The following SYK variants were observed in gnomAD, a reference collection of about 807,000 sequenced individuals.
SYK encodes the protein tyrosine-protein kinase SYK.
SYK carries 16 observed loss-of-function variants against 77.8 expected under a neutral mutation model. The observed-to-expected ratio is 0.21, with a 90% CI of 0.14 to 0.31. The LOEUF is 0.31. SYK is among the 10% of genes least tolerant of loss of function. The pLI, the probability that SYK is intolerant of heterozygous loss-of-function variation, is 1.00. For missense variants in SYK, 529 were observed against 814.4 expected (o/e 0.65, Z 4.26); for synonymous variants, 312 against 308.7 (o/e 1.01, Z -0.11).
At chr9:90,853,170 A>G (rs1826883864) in intron 3 of SYK, among the ~76,000 whole-genome samples, 2 of 149,600 alleles carry the variant, frequency 1.3e-5, no homozygotes, top group East Asian at 2.0e-4. Context: ...GGTGGCCACT[A>G]CTTGGATAGG....
chr9:90,874,327 G>A, intron 8 of SYK, 36 bp downstream of exon 8: 1 of 1,599,430 alleles, frequency 6.3e-7, no homozygotes, highest in Non-Finnish European at 8.6e-7. Flanking sequence ...CATTCACAGA[G>A]CAAAGTGCGT....
At chr9:90,817,569 C>T (rs1308170983) in intron 1 of SYK, among the ~76,000 whole-genome samples, 1 of 151,768 alleles carries the variant, frequency 6.6e-6, no homozygotes, top group Non-Finnish European at 1.5e-5. Context: ...GTTTTTTGGC[C>T]CCTTCCTCCC....
intron 3 of SYK, among the ~76,000 whole-genome samples, 192 bp downstream of exon 3, chr9:90,845,786 T>C (rs1330162315): frequency 6.6e-6 from 1 of 152,232 alleles, no homozygotes; most frequent in East Asian, 1.9e-4. Flanking sequence ...CAGTGTTTAT[T>C]TTGCCCAGTC....
intron 9 of SYK, among the ~76,000 whole-genome samples, chr9:90,876,349 T>G (rs1234488868): frequency 1.3e-5 from 2 of 149,170 alleles, no homozygotes; most frequent in East Asian, 4.0e-4. Flanking sequence ...ATCTGTCCCT[T>G]CGATTTGTTT....
chr9:90,850,655 C>G (rs1187107684), intron 3 of SYK, among the ~76,000 whole-genome samples: 3 of 151,944 alleles, frequency 2.0e-5, no homozygotes, highest in Non-Finnish European at 4.4e-5. Flanking sequence ...AGCGATTACT[C>G]TTCACACTTT....
chr9:90,884,986 A>G (rs1828506555), intron 11 of SYK, among the ~76,000 whole-genome samples: 1 of 142,982 alleles, frequency 7.0e-6, no homozygotes, highest in African/African-American at 2.6e-5. Flanking sequence ...TATACCCAAC[A>G]TATATATACC....
chr9:90,877,880 C>T, intron 10 of SYK, 100 bp downstream of exon 10: 3 of 1,251,338 alleles, frequency 2.4e-6, no homozygotes, highest in East Asian at 2.4e-5. Flanking sequence ...GAAGCCTTCC[C>T]ACCCTCCTGT....
chr9:90,828,997 A>C (rs2013826), intron 1 of SYK, among the ~76,000 whole-genome samples: 44,446 of 152,062 alleles, frequency 0.29, 6,774 homozygotes, highest in East Asian at 0.48. Context: ...CTTAAAAATC[A>C]CCTGGGAAGC....
rs368660037 is a variant in SYK, at chr9:90,866,146, G to A, written c.847-985G>A. ...GATCTCCTAACCTCGTGATCTGCCC[G>A]CCTCGGCCTCCCAAAGTGCTGGGAT... is the stretch of plus-strand genomic sequence containing the variant. On this transcript the variant is annotated intron_variant, in intron 6 of 13. Coordinates refer to ENST00000375754, the MANE Select transcript of SYK (RefSeq NM_003177.7). Among the ~76,000 whole-genome samples the A allele has an allele frequency of 2.0e-3, 303 of 152,202 alleles. 1 individual carries two copies. Among genetic ancestry groups the A allele is most frequent in the African/African-American group, 6.9e-3 (286 of 41,540 alleles).
intron 1 of SYK, among the ~76,000 whole-genome samples, chr9:90,811,321 G>T (rs1825062575): frequency 6.6e-6 from 1 of 152,096 alleles, no homozygotes; most frequent in Admixed American, 6.5e-5. Flanking sequence ...GACACAGATG[G>T]GTGCTGACAG....
rs1827867698 is a variant in SYK at position 90,874,838 on chromosome 9, C to G, written c.1170C>G (p.Tyr390Ter). ...GNFGTVKKGY[Y>*]QMKKVVKTVA... is the part of the protein sequence containing the mutation. ...TTGGAACTGTGAAAAAGGGCTACTA[C>G]CAAATGAAAAAGTAAGTTGCTATGT... The change falls in exon 9 of 14, where the codon TAC becomes TAG. Residue 390 changes from tyrosine (Y) to a stop codon, truncating the protein, a stop_gained. Coordinates refer to ENST00000375754, the MANE Select transcript of SYK (RefSeq NM_003177.7). LOFTEE classifies it high-confidence loss of function. 5 of 1,613,838 alleles carry G rather than the reference C, an allele frequency of 3.1e-6. No homozygotes were observed. The highest frequency in any genetic ancestry group is 4.2e-6 in the Non-Finnish European group (5 of 1,179,908).
chr9:90,836,219 G>A (rs924621608), intron 1 of SYK, among the ~76,000 whole-genome samples: 3 of 151,634 alleles, frequency 2.0e-5, no homozygotes, highest in South Asian at 4.1e-4. Context: ...CTGGGGAGGC[G>A]GAGCTTGCAG....
chr9:90,852,643 C>T (rs776391412), intron 3 of SYK, among the ~76,000 whole-genome samples: 5 of 152,006 alleles, frequency 3.3e-5, no homozygotes, highest in Non-Finnish European at 7.4e-5. Flanking sequence ...CCAAATAGCT[C>T]GATTAATGTT....
chr9:90,817,127 G>A (rs1413167566), intron 1 of SYK, among the ~76,000 whole-genome samples: 1 of 152,066 alleles, frequency 6.6e-6, no homozygotes, highest in African/African-American at 2.4e-5. Flanking sequence ...ATTAGTGTTA[G>A]TATATTTTAT....
rs545033978 is a variant in SYK, at chr9:90,803,896, C to G, written c.-42+2003C>G. Among the ~76,000 whole-genome samples the G allele has an allele frequency of 1.7e-4, 26 of 151,948 alleles. 2 individuals are homozygous for G. The highest frequency in any genetic ancestry group is 5.6e-4 in the African/African-American group (23 of 41,414). Reference sequence around the variant, plus strand: ...CCTGTAATTCCATGCATTAATATTTCTGTACTTTTACATTTAAGAACATGA... The same window carrying G: ...CCTGTAATTCCATGCATTAATATTTGTGTACTTTTACATTTAAGAACATGA... On this transcript the variant is annotated intron_variant, in intron 1 of 13. Transcript: ENST00000375754.
chr9:90,874,593 A>G (rs11787670), intron 8 of SYK, 79 bp from the exon 9 acceptor site: 89,575 of 1,478,666 alleles, frequency 0.061, 3,132 homozygotes, highest in Non-Finnish European at 0.071. Flanking sequence ...TCATATTCCC[A>G]TGAAGATCAT....
At chr9:90,810,297 A>G (rs1159087349) in intron 1 of SYK, among the ~76,000 whole-genome samples, 1 of 152,096 alleles carries the variant, frequency 6.6e-6, no homozygotes, top group African/African-American at 2.4e-5. Context: ...GTGGGTGACC[A>G]TCTCCAGCTC....
intron 3 of SYK, among the ~76,000 whole-genome samples, chr9:90,860,245 TC>T (rs1827204471): frequency 6.6e-6 from 1 of 152,250 alleles, no homozygotes. Context: ...TTGTCACCAT[TC>T]TTTCAAGGCC....
At chr9:90,884,402 T>C (rs200402842) in intron 11 of SYK, among the ~76,000 whole-genome samples, 2 of 57,662 alleles carry the variant, frequency 3.5e-5, no homozygotes, top group Non-Finnish European at 7.0e-5. Context: ...TACATACACA[T>C]ATGTGTATAT....
Sources: allele counts gnomAD v4.1 joint callset (sites outside exome capture counted in the v4.1 genomes callset), GRCh38; gene constraint gnomAD v4.1.1; transcripts MANE v1.5; gene names NCBI Gene and HGNC (gene_info 2026-07-23, HGNC 2026-07-21).